Variants in ITGAL observed in about 807,000 individuals in gnomAD.
ITGAL encodes the protein integrin alpha-L.
In ITGAL, 68 loss-of-function variants were observed where a neutral mutation model predicts 138.4. The ratio of observed to expected loss-of-function variants is 0.49; its 90% CI spans 0.40 to 0.60. The LOEUF is 0.60. Ranked by LOEUF, ITGAL falls within the 20% of genes least tolerant of loss-of-function variation. The pLI, the probability that ITGAL is intolerant of heterozygous loss-of-function variation, is 0.00. For missense variants in ITGAL, 1,256 were observed against 1,478.6 expected (o/e 0.85, Z 2.47); for synonymous variants, 561 against 584.3 (o/e 0.96, Z 0.57).
At chr16:30,482,933 C>G (rs2050581236) in intron 7 of ITGAL, among the ~76,000 whole-genome samples, 1 of 152,046 alleles carries the variant, frequency 6.6e-6, no homozygotes, top group African/African-American at 2.4e-5. Flanking sequence ...CTCAAGCGAT[C>G]CTCCTGTCTC....
At chr16:30,501,852 G>A (rs1297766644) in intron 17 of ITGAL, among the ~76,000 whole-genome samples, 3 of 151,834 alleles carry the variant, frequency 2.0e-5, no homozygotes, top group Admixed American at 6.6e-5. Context: ...GCAACATAGC[G>A]AGACCCCTTC....
intron 9 of ITGAL, among the ~76,000 whole-genome samples, chr16:30,485,363 A>G (rs1316947144): frequency 7.0e-6 from 1 of 142,002 alleles, no homozygotes; most frequent in Non-Finnish European, 1.5e-5. Context: ...AGCAGCTGGG[A>G]CTACAGGCGC....
intron 17 of ITGAL, 33 bp downstream of exon 17, chr16:30,499,522 G>A: frequency 6.2e-7 from 1 of 1,607,472 alleles, no homozygotes; most frequent in Non-Finnish European, 8.5e-7. Flanking sequence ...TCTGGGATGA[G>A]CTACCTGCAG....
rs772266098 is a variant in ITGAL at position 30,506,854 on chromosome 16, A to C, written c.2506A>C (p.Lys836Gln). The change falls in exon 21 of 31, where the codon AAG becomes CAG. Residue 836 changes from lysine to glutamine, a missense_variant and splice_region_variant. By Grantham distance (53) the Lys-to-Gln change is moderately conservative. Around this residue, in one of 3 missense-constraint regions of ITGAL, gnomAD observed 867 missense variants for 972.5 expected, o/e 0.89. Coordinates refer to ENST00000356798, the MANE Select transcript of ITGAL (RefSeq NM_002209.3). Reference protein sequence around the residue: ...GLSFRKVEMLKPHSQIPVSCE... With the variant: ...GLSFRKVEMLQPHSQIPVSCE... ...CTCCTTCCGCAAGGTGGAGATGCTG[A>C]AGGTGGGTGAGAGGACAGCGCCTGC... The C allele has an allele frequency of 1.2e-5, 19 of 1,613,626 alleles. No individual in the cohort carries two copies. The highest frequency in any genetic ancestry group is 1.5e-5 in the Non-Finnish European group (18 of 1,179,764).
At chr16:30,506,895 C>T (rs909130384) in intron 21 of ITGAL, 39 bp downstream of exon 21, 5 of 1,609,222 alleles carry the variant, frequency 3.1e-6, no homozygotes, top group Non-Finnish European at 4.2e-6. Flanking sequence ...GGCATCTGTT[C>T]GGCAGACACT....
In ITGAL at chr16:30,499,649, G is replaced by C. The variant is rs116238097; in HGVS notation, c.2145+160G>C. ...AACACCCTTAGCATATTTTCTTCTA[G>C]TGTTTTTTTTAAATTATATATATAT... On this transcript the variant is annotated intron_variant, in intron 17 of 30. Coordinates refer to ENST00000356798, the MANE Select transcript of ITGAL (RefSeq NM_002209.3). 2,857 of 379,694 alleles carry C rather than the reference G, an allele frequency of 7.5e-3. 81 individuals are homozygous for C. The highest frequency in any genetic ancestry group is 0.059 in the African/African-American group (2,489 of 42,004). 23.5% of individuals were successfully genotyped at this position (379,694 alleles called of 1,614,324 possible).
chr16:30,496,031 C>T, intron 13 of ITGAL, 66 bp from the exon 14 acceptor site: 1 of 1,294,578 alleles, frequency 7.7e-7, no homozygotes, highest in African/African-American at 1.5e-5. Flanking sequence ...TAGCATTCTT[C>T]ACTCAGTTGT....
intron 20 of ITGAL, among the ~76,000 whole-genome samples, chr16:30,506,475 C>T (rs1286941608): frequency 1.5e-5 from 2 of 135,994 alleles, no homozygotes; most frequent in East Asian, 2.4e-4. Flanking sequence ...AGGAGAATGG[C>T]GTGAACCCGG....
intron 15 of ITGAL, among the ~76,000 whole-genome samples, chr16:30,497,425 T>C (rs923571914): frequency 6.6e-6 from 1 of 151,226 alleles, no homozygotes; most frequent in African/African-American, 2.4e-5. Flanking sequence ...GAAGATTACT[T>C]GAGCTCAAGA....
At position 30,519,847 on chromosome 16, in the gene ITGAL, C is replaced by T. The variant is rs747545125; in HGVS notation, c.3229-10C>T. The T allele has an allele frequency of 6.3e-7, 1 of 1,597,900 alleles. No individual in the cohort carries two copies. The highest frequency in any genetic ancestry group is 1.3e-5 in the African/African-American group (1 of 74,702). Reference sequence around the variant, plus strand: ...GGCATTTTCCGGCACTCCCCTCCCCCTGCTCCCAGGTTGTCATGAAGGTTG... The same window carrying T: ...GGCATTTTCCGGCACTCCCCTCCCCTTGCTCCCAGGTTGTCATGAAGGTTG... On this transcript the variant is annotated splice_polypyrimidine_tract_variant and intron_variant, in intron 29 of 30. Transcript: ENST00000356798.
rs759682191 is a variant in ITGAL at position 30,489,411 on chromosome 16, G to T, written c.1213+25G>T. ...GGTGAGTACTTCTCTTTTCTGCTGGGATCTTCTGGTTGTTGAGGTCAGATG... is the reference window on the plus strand; with the variant it reads ...GGTGAGTACTTCTCTTTTCTGCTGGTATCTTCTGGTTGTTGAGGTCAGATG... On this transcript the variant is annotated intron_variant, in intron 11 of 30. Transcript: ENST00000356798. 6.2e-7 allele frequency: 1 copy of T among 1,610,986 alleles called. No homozygotes were observed. Among genetic ancestry groups the T allele is most frequent in the Non-Finnish European group, 8.5e-7 (1 of 1,177,428 alleles).
intron 29 of ITGAL, 22 bp from the exon 30 acceptor site, chr16:30,519,835 A>T (rs1445509170): frequency 6.5e-7 from 1 of 1,546,234 alleles, no homozygotes; most frequent in Non-Finnish European, 8.9e-7. Context: ...ATTTTCCGGC[A>T]CTCCCCTCCC....
At chr16:30,521,232 C>A (rs993218035) in intron 30 of ITGAL, among the ~76,000 whole-genome samples, 2 of 151,890 alleles carry the variant, frequency 1.3e-5, no homozygotes, top group African/African-American at 4.8e-5. Context: ...CATGGTGAAA[C>A]CCTGTCTCTA....
At chr16:30,521,080 A>C (rs935187217) in intron 30 of ITGAL, among the ~76,000 whole-genome samples, 1 of 148,740 alleles carries the variant, frequency 6.7e-6, no homozygotes, top group Non-Finnish European at 1.5e-5. Context: ...GCAAAACTCC[A>C]TCTCAAAAAT....
chr16:30,498,766 T>C (rs1418318992), intron 15 of ITGAL: 2 of 250,412 alleles, frequency 8.0e-6, no homozygotes, highest in African/African-American at 4.5e-5. Flanking sequence ...CCAGGTGTGG[T>C]GGCACATGCC....
At chr16:30,513,694 G>A in intron 24 of ITGAL, 77 bp from the exon 25 acceptor site, 1 of 1,053,500 alleles carries the variant, frequency 9.5e-7, no homozygotes, top group Non-Finnish European at 1.5e-6. Context: ...TAGCACAGTG[G>A]CTGGGCGCTC....
intron 11 of ITGAL, among the ~76,000 whole-genome samples, chr16:30,492,427 T>C (rs1415858391): frequency 6.6e-6 from 1 of 150,738 alleles, no homozygotes; most frequent in African/African-American, 2.4e-5. Context: ...ATTTTTTGTA[T>C]TTTTAGTAGT....
At chr16:30,513,727 T>G (rs765514073) in intron 24 of ITGAL, 44 bp from the exon 25 acceptor site, 1 of 1,485,138 alleles carries the variant, frequency 6.7e-7, no homozygotes, top group Admixed American at 1.7e-5. Context: ...GAGCCCGGGT[T>G]GCTGTCACTT....
At chr16:30,481,143 AACACACAC>A (rs60456127) in intron 6 of ITGAL, 19,165 of 214,590 alleles carry the variant, frequency 0.089, 468 homozygotes, top group Middle Eastern at 0.16. Context: ...CTCTACTAAA[AACACACAC>A]ACACACACAC....
Sources: gnomAD v4.1 joint callset for allele counts (sites outside exome capture counted in the v4.1 genomes callset) on GRCh38, gnomAD v4.1.1 for gene constraint, gnomAD v4.1.1 regional missense constraint, MANE v1.5 for transcripts, NCBI Gene and HGNC (gene_info 2026-07-23, HGNC 2026-07-21) for gene names.